COL24A1: variants seen among roughly 807,000 people sequenced by gnomAD.
COL24A1 encodes the protein collagen alpha-1(XXIV) chain.
Under a neutral mutation model 253.9 loss-of-function variants are expected in COL24A1, and 224 were observed. That is an observed-to-expected ratio of 0.88 (90% CI 0.79 to 0.99). The LOEUF is 0.99. Among genes scored for constraint, COL24A1 ranks in the 50% least tolerant of loss-of-function variants. COL24A1 has a pLI of 0.00. For missense variants in COL24A1, 2,131 were observed against 2,068.5 expected (o/e 1.03, Z -0.59); for synonymous variants, 685 against 673.7 (o/e 1.02, Z -0.26).
intron 26 of COL24A1, 118 bp from the exon 27 acceptor site, chr1:85,908,769 T>C (rs1685087403): frequency 2.2e-6 from 1 of 446,994 alleles, no homozygotes; most frequent in Non-Finnish European, 3.9e-6. Context: ...ACACAATGTT[T>C]CTTTTGTAAC....
At chr1:85,945,018 T>TTTG (rs1689169172) in intron 24 of COL24A1, among the ~76,000 whole-genome samples, 5 of 86,850 alleles carry the variant, frequency 5.8e-5, no homozygotes, top group East Asian at 8.4e-4. Context: ...TTTTTTTTTT[T>TTTG]TTTTTTTTTT....
intron 32 of COL24A1, among the ~76,000 whole-genome samples, chr1:85,886,352 AT>A (rs1443824763): frequency 1.4e-5 from 2 of 147,070 alleles, no homozygotes; most frequent in Non-Finnish European, 3.0e-5. Context: ...CTTGGCCCCC[AT>A]GCGATGATTT....
At chr1:85,814,214 T>TTAAGACCTTAAGACCC (rs1672845730) in intron 47 of COL24A1, among the ~76,000 whole-genome samples, 1 of 152,188 alleles carries the variant, frequency 6.6e-6, no homozygotes, top group Non-Finnish European at 1.5e-5. Flanking sequence ...GCAAATAGCC[T>TTAAGACCTTAAGACCC]CATCATCTGG....
chr1:86,035,616 T>C (rs891315004), intron 12 of COL24A1, among the ~76,000 whole-genome samples: 2 of 152,028 alleles, frequency 1.3e-5, no homozygotes, highest in African/African-American at 4.8e-5. Context: ...AGGATTTCTT[T>C]TGGGGGTGAT....
chr1:85,805,205 A>G (rs908222573), intron 47 of COL24A1, among the ~76,000 whole-genome samples: 7 of 152,226 alleles, frequency 4.6e-5, no homozygotes, highest in African/African-American at 1.7e-4. Context: ...CAGTAGAAGA[A>G]TTTCTACGAT....
intron 24 of COL24A1, among the ~76,000 whole-genome samples, chr1:85,917,550 T>C (rs1231406445): frequency 6.6e-6 from 1 of 152,058 alleles, no homozygotes; most frequent in Non-Finnish European, 1.5e-5. Context: ...ATTTTATTTA[T>C]TCATGTTTTG....
At chr1:85,813,468 T>G (rs1356592179) in intron 47 of COL24A1, among the ~76,000 whole-genome samples, 1 of 144,206 alleles carries the variant, frequency 6.9e-6, no homozygotes, top group East Asian at 2.2e-4. Context: ...TTTTTTTGCC[T>G]CCTTTGGCAT....
chr1:85,994,212 T>C (rs1465375537), intron 19 of COL24A1, among the ~76,000 whole-genome samples: 1 of 151,792 alleles, frequency 6.6e-6, no homozygotes, highest in African/African-American at 2.4e-5. Flanking sequence ...AAAGATAAAA[T>C]TAATAAAGGC....
chr1:85,934,805 T>C (rs1191883099), intron 24 of COL24A1, among the ~76,000 whole-genome samples: 3 of 152,152 alleles, frequency 2.0e-5, no homozygotes, highest in African/African-American at 4.8e-5. Context: ...AGAGACCATA[T>C]GGCCCACAAA....
At chr1:85,813,357 AT>A (rs1048062765) in intron 47 of COL24A1, among the ~76,000 whole-genome samples, 2 of 151,668 alleles carry the variant, frequency 1.3e-5, no homozygotes, top group African/African-American at 4.8e-5. Flanking sequence ...CCATAAATTC[AT>A]TAATATGATT....
At position 85,893,164 on chromosome 1, in the gene COL24A1, C is replaced by T. The variant is rs372460265; in HGVS notation, c.2922+2694G>A. Among the ~76,000 whole-genome samples, 4 of 151,898 alleles carry T rather than the reference C, an allele frequency of 2.6e-5. No homozygotes were observed. The East Asian group carries it at 7.7e-4, about 29-fold the overall frequency. On this transcript the variant is annotated intron_variant, in intron 31 of 59. Transcript: ENST00000370571. ...AAAGTAAATTAAGGAACAAGATATG[C>T]CATGTAAGCAGCAAGCATAAGAAAG...
At chr1:86,020,061 CT>C (rs10582249) in intron 18 of COL24A1, among the ~76,000 whole-genome samples, 48 of 102,598 alleles carry the variant, frequency 4.7e-4, no homozygotes, top group South Asian at 3.1e-3. Flanking sequence ...TTCATTCTTT[CT>C]TTTTTTTTTT....
chr1:86,047,466 T>C (rs1052762996), intron 11 of COL24A1, among the ~76,000 whole-genome samples: 1 of 152,200 alleles, frequency 6.6e-6, no homozygotes, highest in Non-Finnish European at 1.5e-5. Flanking sequence ...AAATCCTGGG[T>C]CTGCTCTTAC....
intron 12 of COL24A1, among the ~76,000 whole-genome samples, chr1:86,036,731 A>G (rs1324752508): frequency 2.6e-5 from 4 of 152,200 alleles, no homozygotes; most frequent in Non-Finnish European, 5.9e-5. Context: ...AACAGTAGTG[A>G]CAAAATACAT....
At chr1:86,134,848 G>A (rs1225082568) in intron 2 of COL24A1, among the ~76,000 whole-genome samples, 1 of 120,184 alleles carries the variant, frequency 8.3e-6, no homozygotes, top group Non-Finnish European at 1.7e-5. Context: ...GGAGAGTTCT[G>A]TAGATGTCTA....
chr1:85,961,309 A>C lies in COL24A1; in HGVS notation c.2518-16T>G. On this transcript the variant is annotated splice_polypyrimidine_tract_variant and intron_variant, in intron 23 of 59. Coordinates refer to ENST00000370571, the MANE Select transcript of COL24A1 (RefSeq NM_152890.7). ...CTACTTCTCCCTGTCAAAAAAGAAT[A>C]TAAAGTTGCAAAAACAGTTATTTTT... 1.3e-6 allele frequency: 2 copies of C among 1,590,250 alleles called. No homozygotes were observed. The highest frequency in any genetic ancestry group is 1.7e-6 in the Non-Finnish European group (2 of 1,161,374).
Position 86,125,631 on chromosome 1 carries a change from G to C in COL24A1, c.705C>G (p.Cys235Trp), listed in dbSNP as rs772196559. 4 of 1,612,804 alleles carry C rather than the reference G, an allele frequency of 2.5e-6. No individual in the cohort carries two copies. The highest frequency in any genetic ancestry group is 2.5e-6 in the Non-Finnish European group (3 of 1,179,372). ...IPSAEASADY[C>W]RYVKQQCRQA... Reference sequence around the variant, plus strand: ...GGCGACACTGCTGTTTCACATATCTGCAGTAGTCTGCAGATGCTTCTGCAG... The same window carrying C: ...GGCGACACTGCTGTTTCACATATCTCCAGTAGTCTGCAGATGCTTCTGCAG... Residue 235 changes from cysteine to tryptophan, a missense_variant, in exon 3 of 60, where the codon TGC (cysteine) becomes TGG (tryptophan). Cys to Trp is a radical substitution (Grantham distance 215). Coordinates refer to ENST00000370571, the MANE Select transcript of COL24A1 (RefSeq NM_152890.7).
At chr1:85,783,448 T>C in intron 51 of COL24A1, 48 bp downstream of exon 51, 7 of 1,525,196 alleles carry the variant, frequency 4.6e-6, no homozygotes, top group Non-Finnish European at 6.4e-6. Context: ...AGCCCTGCAG[T>C]AAGCAAAGAA....
chr1:86,139,597 C>T (rs1469800423), intron 2 of COL24A1, among the ~76,000 whole-genome samples: 1 of 152,048 alleles, frequency 6.6e-6, no homozygotes, highest in Non-Finnish European at 1.5e-5. Flanking sequence ...TAATATATCG[C>T]TTTATAAAGT....
Sources: allele counts gnomAD v4.1 joint callset (sites outside exome capture counted in the v4.1 genomes callset), GRCh38; gene constraint gnomAD v4.1.1; transcripts MANE v1.5; gene names NCBI Gene and HGNC (gene_info 2026-07-23, HGNC 2026-07-21).